The following MIER3 variants were observed in gnomAD, a reference collection of about 807,000 sequenced individuals.
MIER3 encodes mesoderm induction early response protein 3.
A neutral mutation model predicts 63.2 loss-of-function variants in MIER3; 9 were observed. The ratio of observed to expected loss-of-function variants is 0.14; its 90% CI spans 0.09 to 0.25. MIER3 has a LOEUF of 0.25. Ranked by LOEUF, MIER3 falls within the 10% of genes least tolerant of loss-of-function variation. The probability of loss-of-function intolerance (pLI) is 1.00; values close to 1 mark genes in which losing one functional copy is unlikely to be tolerated. For synonymous variants in MIER3, 205 were observed against 224.9 expected (o/e 0.91, Z 0.79); for missense variants, 512 against 666.2 (o/e 0.77, Z 2.55).
At chr5:56,952,135 A>G, upstream of MIER3, 1 of 1,231,824 alleles carries the variant, frequency 8.1e-7, no homozygotes, top group Non-Finnish European at 1.0e-6. Context: ...AGCAGCGCCG[A>G]GCCCAGTCCC....
chr5:56,924,351 TCTTTA>T (rs761181050), intron 10 of MIER3, among the ~76,000 whole-genome samples: 1 of 152,170 alleles, frequency 6.6e-6, no homozygotes, highest in Non-Finnish European at 1.5e-5. Context: ...ACACTAGCAT[TCTTTA>T]CTTTTCTTTA....
At chr5:56,947,363 A>T (rs1750859739) in intron 2 of MIER3, among the ~76,000 whole-genome samples, 1 of 152,210 alleles carries the variant, frequency 6.6e-6, no homozygotes, top group Non-Finnish European at 1.5e-5. Context: ...GGTTTTAAAG[A>T]AACATTCTAA....
chr5:56,948,631 T>C (rs937419160), intron 2 of MIER3, among the ~76,000 whole-genome samples: 2 of 152,026 alleles, frequency 1.3e-5, no homozygotes, highest in African/African-American at 4.8e-5. Flanking sequence ...ATCACACCAC[T>C]GCACTCCAGC....
upstream of MIER3, chr5:56,952,160 G>A (rs531471141): frequency 3.1e-4 from 366 of 1,176,214 alleles, 11 homozygotes; most frequent in East Asian, 0.016. Flanking sequence ...TGGGGCGCCT[G>A]AGCCAATCGC....
rs754714760 is a variant in MIER3, at chr5:56,921,860, T to A, written c.*1268A>T. On this transcript the variant is annotated 3_prime_UTR_variant, in exon 13 of 13. Coordinates refer to ENST00000381199, the MANE Select transcript of MIER3 (RefSeq NM_001297599.2). ...TGTATTACATATTGTTTGATTCACCTTATAACTTAAAAATGCATGTTTATA... is the reference window on the plus strand; with the variant it reads ...TGTATTACATATTGTTTGATTCACCATATAACTTAAAAATGCATGTTTATA... 3 of 152,626 alleles carry A rather than the reference T, an allele frequency of 2.0e-5. No homozygotes were observed. The highest frequency in any genetic ancestry group is 4.4e-5 in the Non-Finnish European group (3 of 68,018). 9.5% of individuals were successfully genotyped at this position (152,626 alleles called of 1,614,324 possible). A position where few individuals can be genotyped will look rare whatever the true frequency, so the allele number is the denominator to read the frequency against.
intron 7 of MIER3, 61 bp from the exon 8 acceptor site, chr5:56,933,459 A>T: frequency 1.4e-6 from 2 of 1,472,420 alleles, no homozygotes; most frequent in Non-Finnish European, 1.8e-6. Context: ...GATGTACACA[A>T]ACAATTCTTT....
chr5:56,936,604 G>C (rs777982727), intron 5 of MIER3, among the ~76,000 whole-genome samples: 2 of 152,018 alleles, frequency 1.3e-5, no homozygotes, highest in Admixed American at 6.6e-5. Flanking sequence ...TCAAAGTCCT[G>C]AGCTTCAGTG....
intron 2 of MIER3, among the ~76,000 whole-genome samples, chr5:56,947,349 G>C (rs1750859364): frequency 1.3e-5 from 2 of 152,142 alleles, no homozygotes; most frequent in Non-Finnish European, 2.9e-5. Flanking sequence ...GATTTAAGCA[G>C]CATGGTTTTA....
At chr5:56,951,931 G>A (rs556453333) in intron 1 of MIER3, among the ~76,000 whole-genome samples, 163 bp downstream of exon 1, 144 of 149,724 alleles carry the variant, frequency 9.6e-4, no homozygotes, top group African/African-American at 3.3e-3. Flanking sequence ...CCCCCGGCCA[G>A]CCCCGCCACG....
intron 5 of MIER3, 95 bp downstream of exon 5, chr5:56,937,483 T>G: frequency 1.6e-6 from 2 of 1,215,792 alleles, no homozygotes; most frequent in Non-Finnish European, 2.2e-6. Context: ...CATAAAATAT[T>G]AGAATATTCT....
chr5:56,921,056 C>T lies in MIER3; in HGVS notation c.*2072G>A, dbSNP rs1749648968. On this transcript the variant is annotated 3_prime_UTR_variant, in exon 13 of 13. Transcript: ENST00000381199. ...AACTTTAGATAAGAAACACTGTTTC[C>T]ATCTTATATCAAGACCCCAGCAATG... is the stretch of plus-strand genomic sequence containing the variant. 1 of 152,432 alleles carries T rather than the reference C, an allele frequency of 6.6e-6. No individual in the cohort carries two copies. Among genetic ancestry groups the T allele is most frequent in the Admixed American group, 6.6e-5 (1 of 15,262 alleles). The allele number at this position is 152,432 out of a possible 1,614,324, so 9.4% of individuals were successfully genotyped here. A position where few individuals can be genotyped will look rare whatever the true frequency, so the allele number is the denominator to read the frequency against.
chr5:56,951,513 G>A (rs1178460169), intron 1 of MIER3, among the ~76,000 whole-genome samples: 1 of 152,160 alleles, frequency 6.6e-6, no homozygotes, highest in East Asian at 1.9e-4. Context: ...CCGGGCTGCG[G>A]GGTGGGGAGT....
At chr5:56,935,549 G>GA (rs750335499) in intron 6 of MIER3, 49 bp from the exon 7 acceptor site, 11 of 1,485,566 alleles carry the variant, frequency 7.4e-6, no homozygotes, top group African/African-American at 4.3e-5. Flanking sequence ...AAAAAATACT[G>GA]AAAAAAAGCC....
In MIER3 at chr5:56,935,510, A is replaced by G; in HGVS notation, c.523-10T>C. The G allele has an allele frequency of 6.3e-7, 1 of 1,580,412 alleles. No homozygotes were observed. The highest frequency in any genetic ancestry group is 2.2e-5 in the East Asian group (1 of 44,692). On this transcript the variant is annotated splice_polypyrimidine_tract_variant and intron_variant, in intron 6 of 12. Transcript: ENST00000381199. The stretch of plus-strand genomic sequence containing the variant: ...AACCAATCATTATTTCCTACAGGAA[A>G]ATTGAGAGGTAAAAATAACTTATTA...
chr5:56,927,702 C>T (rs1750061739), intron 10 of MIER3, among the ~76,000 whole-genome samples: 1 of 152,022 alleles, frequency 6.6e-6, no homozygotes, highest in Non-Finnish European at 1.5e-5. Context: ...AATCAATGTA[C>T]CTACACTGAC....
At position 56,952,094 on chromosome 5, in the gene MIER3, C is replaced by T; in HGVS notation, c.9G>A (p.Glu3=). 7.6e-7 allele frequency: 1 copy of T among 1,307,618 alleles called. No individual in the cohort carries two copies. The highest frequency in any genetic ancestry group is 9.9e-7 in the Non-Finnish European group (1 of 1,010,324). The allele number at this position is 1,307,618 out of a possible 1,614,324, so 81.0% of individuals were successfully genotyped here. A position where few individuals can be genotyped will look rare whatever the true frequency, so the allele number is the denominator to read the frequency against. ...GCTCCTGCCCGGTTTCCCTGCTCAC[C>T]TCCGCCATATTGGTACCTTTAGGGC... MA[E]ASFGSSSPVG... is the part of the protein sequence containing the mutation. The change falls in exon 1 of 13, where the codon GAG becomes GAA. Residue 3 remains glutamate (E), a splice_region_variant and synonymous_variant. Coordinates refer to ENST00000381199, the MANE Select transcript of MIER3 (RefSeq NM_001297599.2).
intron 2 of MIER3, among the ~76,000 whole-genome samples, chr5:56,949,386 G>A (rs959259989): frequency 6.6e-6 from 1 of 152,106 alleles, no homozygotes; most frequent in African/African-American, 2.4e-5. Flanking sequence ...TTAAAAACAG[G>A]TTACACTGTC....
chr5:56,938,300 A>G (rs923481207), intron 4 of MIER3: 7 of 471,112 alleles, frequency 1.5e-5, no homozygotes, highest in African/African-American at 1.4e-4. Context: ...ACTCACAGGA[A>G]GAGGTTCCAA....
At chr5:56,929,033 CAGG>C (rs777932363) in intron 9 of MIER3, 172 bp from the exon 10 acceptor site, 44 of 494,534 alleles carry the variant, frequency 8.9e-5, no homozygotes, top group Non-Finnish European at 1.3e-4. Context: ...TCTCTGTATG[CAGG>C]AGATTTCAGT....
Sources: allele counts gnomAD v4.1 joint callset (sites outside exome capture counted in the v4.1 genomes callset), GRCh38; gene constraint gnomAD v4.1.1; transcripts MANE v1.5; gene names NCBI Gene and HGNC (gene_info 2026-07-23, HGNC 2026-07-21).